The following IHO1 variants were observed in gnomAD, a reference collection of about 807,000 sequenced individuals.
IHO1 encodes the protein interactor of HORMAD1 protein 1.
A neutral mutation model predicts 31.0 loss-of-function variants in IHO1; 13 were observed. The observed-to-expected ratio is 0.42, with a 90% confidence interval of 0.27 to 0.67. IHO1 has a LOEUF of 0.67. IHO1 is among the 30% of genes least tolerant of loss of function. The pLI is 0.24. For missense variants in IHO1, 599 were observed against 687.5 expected, an observed-to-expected ratio of 0.87 and a Z score of 1.44; for synonymous variants, 221 against 248.4, an observed-to-expected ratio of 0.89 and a Z score of 1.04.
intron 2 of IHO1, among the ~76,000 whole-genome samples, chr3:49,218,376 C>CTTTTTTTTTT (rs34312848): frequency 9.4e-6 from 1 of 105,830 alleles, no homozygotes; most frequent in Non-Finnish European, 1.9e-5. Context: ...CAGTTAATAC[C>CTTTTTTTTTT]TTTTTTTTTT....
rs752610444 is a variant in IHO1 at position 49,225,462 on chromosome 3, C to CA, written c.57-11073dup. Among the ~76,000 whole-genome samples, 566 of 129,880 alleles carry CA rather than the reference C, an allele frequency of 4.4e-3. 1 individual carries two copies. Among genetic ancestry groups the CA allele is most frequent in the East Asian group, 7.5e-3 (34 of 4,536 alleles). 85.2% of individuals were successfully genotyped at this position (129,880 alleles called of 152,430 possible). ...TGGGTGACAGAGTGAGACTCCGTCT[C>CA]AAAAAAAAAAAAAGAAAAGTTTTGT... On this transcript the variant is annotated intron_variant, in intron 2 of 7. Transcript: ENST00000452691.
chr3:49,230,081 C>G (rs1002471853), intron 2 of IHO1, among the ~76,000 whole-genome samples: 1 of 152,146 alleles, frequency 6.6e-6, no homozygotes, highest in Non-Finnish European at 1.5e-5. Flanking sequence ...GCCTCAAGAA[C>G]CTATACCTTT....
chr3:49,196,922 G>A (rs1177109245), upstream of IHO1, among the ~76,000 whole-genome samples: 1 of 150,634 alleles, frequency 6.6e-6, no homozygotes, highest in Non-Finnish European at 1.5e-5. Context: ...TGCCCGCCTC[G>A]GCCTCCCAGG....
intron 2 of IHO1, among the ~76,000 whole-genome samples, chr3:49,228,910 C>G (rs1185325157): frequency 1.3e-5 from 2 of 152,186 alleles, no homozygotes; most frequent in African/African-American, 4.8e-5. Context: ...TTTGGCCCTA[C>G]CCACATCCTG....
rs1167279139 is a variant in IHO1, at chr3:49,251,572, C to T, written c.533-3818C>T. Among the ~76,000 whole-genome samples, 11 of 151,954 alleles carry T rather than the reference C, an allele frequency of 7.2e-5. No individual in the cohort carries two copies. In the East Asian group the frequency reaches 2.1e-3, roughly 29 times the overall value. On this transcript the variant is annotated intron_variant, in intron 6 of 7. Transcript: ENST00000452691. The stretch of plus-strand genomic sequence containing the variant: ...GTGCTGGGATTACTGGTGTGAGCTG[C>T]TGCGCTCAGACTTTACTTAGTTGTT...
intron 2 of IHO1, among the ~76,000 whole-genome samples, chr3:49,234,162 G>GTTTTTT (rs56802492): frequency 2.3e-4 from 21 of 91,882 alleles, no homozygotes; most frequent in Non-Finnish European, 2.5e-4. Context: ...TTTTGTTGTT[G>GTTTTTT]TTTTTTTTTT....
chr3:49,256,213 A>G lies in IHO1; in HGVS notation c.716A>G (p.Gln239Arg), dbSNP rs1481595161. 1 of 1,614,176 alleles carries G rather than the reference A, an allele frequency of 6.2e-7. No individual in the cohort carries two copies. The highest frequency in any genetic ancestry group is 2.2e-5 in the East Asian group (1 of 44,892). The change falls in exon 8 of 8, where the codon CAG becomes CGG. Residue 239 changes from glutamine (Q) to arginine (R), a missense_variant. Transcript: ENST00000452691. The surrounding 1 kb of genome is among the most constrained non-coding windows in gnomAD (Gnocchi z 4.6). Reference protein sequence around the residue: ...VLVAQQSQEFQQLCEQLGQLN... With the variant: ...VLVAQQSQEFRQLCEQLGQLN... ...GTTGCTCAGCAGAGTCAGGAATTCC[A>G]GCAGCTGTGTGAGCAGCTAGGCCAG... is the stretch of plus-strand genomic sequence containing the variant.
rs754582748 is a variant in IHO1, at chr3:49,257,113, G to C, written c.1616G>C (p.Cys539Ser). The C allele has an allele frequency of 1.2e-5, 19 of 1,614,196 alleles. 1 individual carries two copies. The South Asian group carries it at 2.1e-4, about 18-fold the overall frequency. ...GGAAGACTCTTGCAGCTCAGCAGGT[G>C]CTCTTCCCAAGACAACTGGCTACTT... is the stretch of plus-strand genomic sequence containing the variant. ...VQGRLLQLSR[C>S]SSQDNWLLSS... The change falls in exon 8 of 8, where the codon TGC (cysteine) becomes TCC (serine). Residue 539 changes from cysteine to serine, a missense_variant. Physicochemically the swap from Cys to Ser is moderately radical, Grantham distance 112. Transcript: ENST00000452691.
chr3:49,208,563 A>C (rs2046170585), intron 1 of IHO1, among the ~76,000 whole-genome samples: 1 of 152,184 alleles, frequency 6.6e-6, no homozygotes, highest in African/African-American at 2.4e-5. Flanking sequence ...CTGGTGCCAA[A>C]AAGGTTGGGA....
chr3:49,247,267 T>TC (rs768608306), intron 6 of IHO1, among the ~76,000 whole-genome samples: 1 of 151,886 alleles, frequency 6.6e-6, no homozygotes, highest in Non-Finnish European at 1.5e-5. Context: ...TCTCGCTCTG[T>TC]CACCCAGGCT....
the IHO1 span, among the ~76,000 whole-genome samples, chr3:49,191,348 C>T: frequency 6.6e-6 from 1 of 152,192 alleles, no homozygotes; most frequent in South Asian, 2.1e-4. Flanking sequence ...ATTTATCAGA[C>T]CTTTATTGTC....
chr3:49,228,271 T>C, intron 2 of IHO1: 2 of 446,044 alleles, frequency 4.5e-6, no homozygotes, highest in Non-Finnish European at 9.0e-6. Context: ...AACCTTTATC[T>C]CAGCCCGGAA....
chr3:49,209,373 G>A (rs1202102567), intron 1 of IHO1, among the ~76,000 whole-genome samples: 2 of 152,060 alleles, frequency 1.3e-5, no homozygotes, highest in Non-Finnish European at 2.9e-5. Context: ...AGTGGCTTAC[G>A]CCTGTAATCC....
chr3:49,221,620 C>T (rs2046356617), intron 2 of IHO1, among the ~76,000 whole-genome samples: 1 of 152,206 alleles, frequency 6.6e-6, no homozygotes, highest in Non-Finnish European at 1.5e-5. Context: ...GTGGTAGTGT[C>T]CTCCAGAGGG....
intron 2 of IHO1, among the ~76,000 whole-genome samples, chr3:49,225,754 A>G (rs1431760514): frequency 6.6e-6 from 1 of 152,192 alleles, no homozygotes; most frequent in African/African-American, 2.4e-5. Context: ...AGGCTGTCCC[A>G]GTACTCCTTG....
chr3:49,223,466 C>T lies in IHO1; in HGVS notation c.56+11630C>T, dbSNP rs180683183. 5.9e-3 allele frequency among the ~76,000 whole-genome samples: 890 copies of T among 152,052 alleles called. 8 individuals are homozygous for T. Among genetic ancestry groups the T allele is most frequent in the African/African-American group, 0.02 (847 of 41,466 alleles). ...CAGCACTTTGGGAGACCGAGGCGGG[C>T]GGATCACGAGGTCAGGAGATTGAGA... On this transcript the variant is annotated intron_variant, in intron 2 of 7. Transcript: ENST00000452691.
At chr3:49,255,561 T>A in intron 7 of IHO1, 68 bp downstream of exon 7, 13 of 458,332 alleles carry the variant, frequency 2.8e-5, no homozygotes, top group African/African-American at 9.8e-5. Flanking sequence ...AGAGAAACTT[T>A]TTTTTTTTTT....
At chr3:49,252,808 G>A (rs1187638366) in intron 6 of IHO1, among the ~76,000 whole-genome samples, 3 of 152,074 alleles carry the variant, frequency 2.0e-5, no homozygotes, top group African/African-American at 7.2e-5. Context: ...ACTTTGGGAG[G>A]CCGAGGTGGG....
intron 6 of IHO1, among the ~76,000 whole-genome samples, chr3:49,253,612 A>G (rs1014036678): frequency 9.2e-5 from 14 of 152,034 alleles, no homozygotes; most frequent in South Asian, 8.3e-4. Context: ...TCTGTTGGTA[A>G]TATTCTTTCC....
Sources: allele counts gnomAD v4.1 joint callset (sites outside exome capture counted in the v4.1 genomes callset), GRCh38; gene constraint gnomAD v4.1.1; non-coding constraint Gnocchi (gnomAD v3.1); transcripts MANE v1.5; gene names NCBI Gene and HGNC (gene_info 2026-07-23, HGNC 2026-07-21).